The following USP32 variants were observed in gnomAD, a reference collection of about 807,000 sequenced individuals.
USP32 encodes ubiquitin carboxyl-terminal hydrolase 32.
USP32 carries 59 observed loss-of-function variants against 204.8 expected under a neutral mutation model. The observed-to-expected ratio is 0.29, with a 90% confidence interval of 0.23 to 0.36. The LOEUF is 0.36. Among genes scored for constraint, USP32 ranks in the 10% least tolerant of loss-of-function variants. USP32 has a pLI of 1.00. For missense variants in USP32, 1,160 were observed against 1,946.4 expected (o/e 0.60, Z 7.60); for synonymous variants, 517 against 678.4 (o/e 0.76, Z 3.70).
At chr17:60,311,851 T>C (rs749415808) in intron 2 of USP32, among the ~76,000 whole-genome samples, 48 of 152,028 alleles carry the variant, frequency 3.2e-4, no homozygotes, top group Non-Finnish European at 6.0e-4. Flanking sequence ...AAACGGTAGA[T>C]ATGTGTAGGT....
Position 60,178,312 on chromosome 17 carries a change from A to G in USP32, c.*943T>C, listed in dbSNP as rs1336712504. ...AAGACAAACACAGAAAAGAACAACC[A>G]CTAATTGTGAAACGTGATCTAGCTC... On this transcript the variant is annotated 3_prime_UTR_variant, in exon 34 of 34. Coordinates refer to ENST00000300896, the MANE Select transcript of USP32 (RefSeq NM_032582.4). Among the ~76,000 whole-genome samples, 2 of 152,216 alleles carry G rather than the reference A, an allele frequency of 1.3e-5. No homozygotes were observed. The highest frequency in any genetic ancestry group is 2.9e-5 in the Non-Finnish European group (2 of 68,036).
At chr17:60,244,049 T>TTTTTTTTTTTTTTTTTTA (rs2085949525) in intron 11 of USP32, among the ~76,000 whole-genome samples, 1 of 142,736 alleles carries the variant, frequency 7.0e-6, no homozygotes, top group African/African-American at 2.7e-5. Flanking sequence ...TTTTTTTTTT[T>TTTTTTTTTTTTTTTTTTA]TTTTGAGATG....
intron 4 of USP32, among the ~76,000 whole-genome samples, chr17:60,293,326 A>G (rs985732536): frequency 6.6e-6 from 1 of 152,242 alleles, no homozygotes; most frequent in Non-Finnish European, 1.5e-5. Context: ...CCTGAAAAAG[A>G]AAAGAGTATT....
intron 1 of USP32, among the ~76,000 whole-genome samples, chr17:60,412,216 T>G (rs1285429499): frequency 6.6e-6 from 1 of 152,014 alleles, no homozygotes; most frequent in Non-Finnish European, 1.5e-5. Context: ...AAAATACTGA[T>G]CCCCAAGCCA....
At position 60,379,178 on chromosome 17, in the gene USP32, G is replaced by T. The variant is rs372161163; in HGVS notation, c.58+12704C>A. On this transcript the variant is annotated intron_variant, in intron 1 of 33. Transcript: ENST00000300896. ...CTTTCTCAAAGATATGAGAAAAGCT[G>T]CATACATGTATTTGTATACTAGAAA... 7.9e-5 allele frequency among the ~76,000 whole-genome samples: 12 copies of T among 152,220 alleles called. No individual in the cohort carries two copies. The East Asian group carries it at 1.7e-3, about 22-fold the overall frequency.
intron 1 of USP32, among the ~76,000 whole-genome samples, chr17:60,403,910 C>T (rs1391542702): frequency 3.3e-5 from 5 of 151,896 alleles, no homozygotes; most frequent in African/African-American, 9.7e-5. Flanking sequence ...CAGTTTGGCA[C>T]ACGCCTGTGG....
intron 5 of USP32, among the ~76,000 whole-genome samples, chr17:60,272,561 G>C (rs953426391): frequency 6.6e-6 from 1 of 152,160 alleles, no homozygotes; most frequent in African/African-American, 2.4e-5. Context: ...GGAGTAACTA[G>C]CACCAGACTT....
At chr17:60,422,028 A>G in intron 1 of USP32, 2 of 880,916 alleles carry the variant, frequency 2.3e-6, no homozygotes, top group Non-Finnish European at 2.7e-6. Context: ...AGCACCCAGC[A>G]CCCAGCACGG....
intron 5 of USP32, among the ~76,000 whole-genome samples, chr17:60,285,180 G>T (rs979400634): frequency 1.3e-5 from 2 of 152,162 alleles, no homozygotes; most frequent in African/African-American, 4.8e-5. Context: ...AAAAGTGAAA[G>T]TTCAACAGAA....
intron 5 of USP32, among the ~76,000 whole-genome samples, chr17:60,277,178 C>G (rs1197057260): frequency 1.3e-5 from 2 of 152,092 alleles, no homozygotes; most frequent in Non-Finnish European, 2.9e-5. Context: ...TTCTGGGTCA[C>G]AACAGCAGTA....
chr17:60,239,586 T>A (rs8080640), intron 11 of USP32, among the ~76,000 whole-genome samples: 30,482 of 152,148 alleles, frequency 0.2, 7,436 homozygotes, highest in African/African-American at 0.58. Context: ...TGCCTGCTCA[T>A]ATCTGATGGA....
chr17:60,334,671 A>T (rs536958891), intron 2 of USP32, among the ~76,000 whole-genome samples: 1 of 142,662 alleles, frequency 7.0e-6, no homozygotes, highest in Non-Finnish European at 1.5e-5. Context: ...CAGCCTGGGC[A>T]ACAAAGCGAG....
chr17:60,386,980 T>C (rs2089743379), intron 1 of USP32, among the ~76,000 whole-genome samples: 1 of 152,208 alleles, frequency 6.6e-6, no homozygotes. Context: ...TAGTAAGATC[T>C]GGTATACTTT....
chr17:60,199,435 C>T (rs919962040), intron 26 of USP32, among the ~76,000 whole-genome samples: 3 of 152,046 alleles, frequency 2.0e-5, no homozygotes, highest in African/African-American at 7.2e-5. Context: ...ACAGAATTAT[C>T]CTGGAAATGG....
At chr17:60,320,554 C>A (rs1219185724) in intron 2 of USP32, among the ~76,000 whole-genome samples, 1 of 152,078 alleles carries the variant, frequency 6.6e-6, no homozygotes, top group African/African-American at 2.4e-5. Flanking sequence ...GGGAAGAAAC[C>A]GGGGTACCTG....
intron 2 of USP32, among the ~76,000 whole-genome samples, chr17:60,312,311 C>T (rs772820367): frequency 6.6e-6 from 1 of 152,194 alleles, no homozygotes; most frequent in Non-Finnish European, 1.5e-5. Context: ...AACTCTAGTA[C>T]ACCAATCTAA....
intron 1 of USP32, among the ~76,000 whole-genome samples, chr17:60,366,841 GA>G (rs1715903742): frequency 6.7e-6 from 1 of 148,766 alleles, no homozygotes; most frequent in African/African-American, 2.5e-5. Flanking sequence ...TTTTTCTTTT[GA>G]GAGGGAGTCT....
chr17:60,255,951 T>C (rs984551639), intron 9 of USP32, among the ~76,000 whole-genome samples: 5 of 152,314 alleles, frequency 3.3e-5, no homozygotes, highest in Admixed American at 2.0e-4. Context: ...TATATACACA[T>C]ATTGTTCTCT....
intron 1 of USP32, among the ~76,000 whole-genome samples, chr17:60,359,770 C>G (rs2089162186): frequency 6.6e-6 from 1 of 152,074 alleles, no homozygotes; most frequent in Non-Finnish European, 1.5e-5. Context: ...ATGATTGAAC[C>G]ACTATACTCC....
Sources: allele counts gnomAD v4.1 joint callset (sites outside exome capture counted in the v4.1 genomes callset), GRCh38; gene constraint gnomAD v4.1.1; transcripts MANE v1.5; gene names NCBI Gene and HGNC (gene_info 2026-07-23, HGNC 2026-07-21).